Variants in DPP6 observed in about 807,000 individuals in gnomAD.
DPP6 encodes the protein A-type potassium channel modulatory protein DPP6.
Under a neutral mutation model 122.6 loss-of-function variants are expected in DPP6, and 69 were observed. The ratio of observed to expected loss-of-function variants is 0.56; its 90% CI spans 0.46 to 0.69. The LOEUF is 0.69. Among genes scored for constraint, DPP6 ranks in the 30% least tolerant of loss-of-function variants. The probability of loss-of-function intolerance (pLI) is 0.00; values close to 1 mark genes in which losing one functional copy is unlikely to be tolerated. For missense variants in DPP6, 928 were observed against 1,116.9 expected, an observed-to-expected ratio of 0.83 and a Z score of 2.41; for synonymous variants, 418 against 433.1, an observed-to-expected ratio of 0.97 and a Z score of 0.43.
the DPP6 span, among the ~76,000 whole-genome samples, chr7:153,779,988 A>G: frequency 2.6e-5 from 4 of 151,828 alleles, no homozygotes; most frequent in African/African-American, 7.3e-5. Flanking sequence ...GTTTACCCCA[A>G]TGCCAGTTGG....
At chr7:154,400,454 T>C (rs1017700020) in intron 1 of DPP6, among the ~76,000 whole-genome samples, 1 of 152,228 alleles carries the variant, frequency 6.6e-6, no homozygotes, top group African/African-American at 2.4e-5. Context: ...TCTGAAATTA[T>C]GATCATGAAT....
At chr7:154,338,623 G>C (rs757539531) in intron 1 of DPP6, among the ~76,000 whole-genome samples, 1 of 151,848 alleles carries the variant, frequency 6.6e-6, no homozygotes, top group Admixed American at 6.6e-5. Context: ...GAGTGTGCTC[G>C]GGTTCATCCA....
intron 1 of DPP6, among the ~76,000 whole-genome samples, chr7:153,904,692 C>A (rs538172795): frequency 1.3e-5 from 2 of 152,318 alleles, no homozygotes; most frequent in South Asian, 4.1e-4. Flanking sequence ...TCCTCGCCTT[C>A]CTTCTTGGGG....
At chr7:154,484,900 G>A (rs1211709888) in intron 3 of DPP6, among the ~76,000 whole-genome samples, 1 of 152,150 alleles carries the variant, frequency 6.6e-6, no homozygotes, top group African/African-American at 2.4e-5. Context: ...AGGGCTCAAA[G>A]CAACTTGATT....
rs190735934 is a variant in DPP6 at position 153,913,001 on chromosome 7, C to A, written c.51+25267C>A. Among the ~76,000 whole-genome samples the A allele has an allele frequency of 8.9e-4, 135 of 152,252 alleles. 1 individual carries two copies. Among genetic ancestry groups the A allele is most frequent in the African/African-American group, 3.2e-3 (132 of 41,548 alleles). On this transcript the variant is annotated intron_variant, in intron 1 of 25. Transcript: ENST00000404039. Reference sequence around the variant, plus strand: ...CCCTATTATGTTAGCTGGTAACCAACGATGGAGGTTTCTTCTCCAGTAGTA... The same window carrying A: ...CCCTATTATGTTAGCTGGTAACCAAAGATGGAGGTTTCTTCTCCAGTAGTA...
chr7:154,270,779 C>A (rs1191788560), intron 1 of DPP6, among the ~76,000 whole-genome samples: 1 of 152,138 alleles, frequency 6.6e-6, no homozygotes, highest in Non-Finnish European at 1.5e-5. Context: ...AGTGCCTGGT[C>A]TCTGGGTGTG....
chr7:154,725,034 C>T (rs1028198861), intron 7 of DPP6, among the ~76,000 whole-genome samples: 2 of 152,158 alleles, frequency 1.3e-5, no homozygotes, highest in Non-Finnish European at 2.9e-5. Flanking sequence ...GTTTCCAGAA[C>T]TCCACAATCT....
At position 154,873,952 on chromosome 7, in the gene DPP6, A is replaced by ACACATG. The variant is rs1554492537; in HGVS notation, c.1883+1263_1883+1264insTGCACA. 2.0e-3 allele frequency among the ~76,000 whole-genome samples: 289 copies of ACACATG among 145,006 alleles called. 2 individuals carry two copies. Among genetic ancestry groups the ACACATG allele is most frequent in the Admixed American group, 7.0e-3 (104 of 14,760 alleles). ...CACCCACATGTGCACACATGCACAC[A>ACACATG]CACACGCACCTGCATACATAAGCAC... On this transcript the variant is annotated intron_variant, in intron 19 of 25. Coordinates refer to ENST00000377770, the MANE Select transcript of DPP6 (RefSeq NM_130797.4).
Position 154,127,652 on chromosome 7 carries a change from G to GACACAC in DPP6, c.243+74609_243+74614dup, listed in dbSNP as rs66703506. Among the ~76,000 whole-genome samples, 18 of 79,176 alleles carry GACACAC rather than the reference G, an allele frequency of 2.3e-4. 1 individual carries two copies. The highest frequency in any genetic ancestry group is 5.7e-4 in the African/African-American group (17 of 29,748). 51.9% of individuals were successfully genotyped at this position (79,176 alleles called of 152,430 possible). A position where few individuals can be genotyped will look rare whatever the true frequency, so the allele number is the denominator to read the frequency against. On this transcript the variant is annotated intron_variant, in intron 1 of 25. Coordinates refer to ENST00000377770, the MANE Select transcript of DPP6 (RefSeq NM_130797.4). ...ACACACAGACACACACACACACACA[G>GACACAC]ACACACACACACACACACACACACA...
chr7:154,231,105 G>T (rs1166389267), intron 1 of DPP6, among the ~76,000 whole-genome samples: 1 of 152,148 alleles, frequency 6.6e-6, no homozygotes, highest in Non-Finnish European at 1.5e-5. Flanking sequence ...TTTCTACTCT[G>T]CTTTAAACTT....
intron 1 of DPP6, among the ~76,000 whole-genome samples, chr7:154,313,724 C>CA (rs1807163277): frequency 3.4e-5 from 1 of 29,158 alleles, no homozygotes; most frequent in Non-Finnish European, 6.8e-5. Context: ...TACACACACA[C>CA]GCACGCACAC....
In DPP6 at chr7:154,727,754, C is replaced by G. The variant is rs1353446409; in HGVS notation, c.763-13C>G. 4 of 1,598,920 alleles carry G rather than the reference C, an allele frequency of 2.5e-6. No individual in the cohort carries two copies. The African/African-American group carries it at 4.0e-5, about 16-fold the overall frequency. ...CTTGCTTAATATTATGCTTTTTTCT[C>G]TTTCCAAATTAGATATTTATTTTTG... On this transcript the variant is annotated splice_polypyrimidine_tract_variant and intron_variant, in intron 7 of 25. Transcript: ENST00000377770.
chr7:154,198,729 T>A (rs1274340419), intron 1 of DPP6, among the ~76,000 whole-genome samples: 2 of 152,212 alleles, frequency 1.3e-5, no homozygotes, highest in Non-Finnish European at 2.9e-5. Flanking sequence ...TTAACCATTG[T>A]TATACAAACA....
chr7:154,487,573 A>G (rs1237080578), intron 3 of DPP6, among the ~76,000 whole-genome samples: 2 of 152,172 alleles, frequency 1.3e-5, no homozygotes, highest in East Asian at 3.9e-4. Context: ...AGAGTCTGAG[A>G]GCTCAGGTGA....
chr7:154,515,779 C>T (rs1306633108), intron 3 of DPP6, among the ~76,000 whole-genome samples: 2 of 152,044 alleles, frequency 1.3e-5, no homozygotes, highest in African/African-American at 4.8e-5. Flanking sequence ...TGGCCTGTTT[C>T]TTTATGAGTA....
At chr7:154,184,689 A>T (rs994700380) in intron 1 of DPP6, among the ~76,000 whole-genome samples, 9 of 152,172 alleles carry the variant, frequency 5.9e-5, no homozygotes, top group Non-Finnish European at 8.8e-5. Flanking sequence ...CTGGAAAAAA[A>T]AAAAAAAGTA....
chr7:154,855,808 C>T (rs1480174920), intron 17 of DPP6, among the ~76,000 whole-genome samples: 2 of 152,196 alleles, frequency 1.3e-5, no homozygotes, highest in East Asian at 3.8e-4. Flanking sequence ...TTGCATAGAG[C>T]CTCAACTGTG....
chr7:154,096,867 G>A (rs2533621), intron 1 of DPP6, among the ~76,000 whole-genome samples: 218 of 138,806 alleles, frequency 1.6e-3, no homozygotes, highest in Middle Eastern at 3.6e-3. Context: ...TATAACAACA[G>A]CAGCAAAGGT....
chr7:154,426,808 T>TAA (rs34741334), intron 1 of DPP6, among the ~76,000 whole-genome samples: 404 of 109,592 alleles, frequency 3.7e-3, no homozygotes, highest in African/African-American at 0.011. Context: ...TACTCTGCCT[T>TAA]AAAAAAAAAA....
Sources: allele counts gnomAD v4.1 joint callset (sites outside exome capture counted in the v4.1 genomes callset), GRCh38; gene constraint gnomAD v4.1.1; transcripts MANE v1.5; gene names NCBI Gene and HGNC (gene_info 2026-07-23, HGNC 2026-07-21).